The following TFF2 variants were observed in gnomAD, a reference collection of about 807,000 sequenced individuals.
TFF2 encodes the protein trefoil factor 2.
Under a neutral mutation model 16.0 loss-of-function variants are expected in TFF2, and 19 were observed. That is an observed-to-expected ratio of 1.19 (90% CI 0.83 to 1.74). The LOEUF (loss-of-function observed/expected upper bound fraction) is 1.74, where lower values mean the gene tolerates loss of function less well. TFF2 is among the 40% of genes most tolerant of loss of function. The pLI, the probability that TFF2 is intolerant of heterozygous loss-of-function variation, is 0.00. For missense variants in TFF2, 168 were observed against 166.8 expected (o/e 1.01, Z -0.04); for synonymous variants, 61 against 65.4 (o/e 0.93, Z 0.32).
intron 1 of TFF2, 30 bp from the exon 2 acceptor site, chr21:42,350,060 C>G: frequency 6.3e-7 from 1 of 1,578,506 alleles, no homozygotes; most frequent in Non-Finnish European, 8.6e-7. Flanking sequence ...CGGCCCCACC[C>G]TGGTACCCCA....
Position 42,349,940 on chromosome 21 carries a change from C to A in TFF2, c.170G>T (p.Cys57Phe). The change falls in exon 2 of 4, where the codon TGC becomes TTC. Residue 57 changes from cysteine to phenylalanine, a missense_variant. Transcript: ENST00000291526. ...CCCAGTGACACTGGAGTCGAAACAG[C>A]ATCCATTGTCAAAACACTGGTCACT... The part of the protein sequence containing the change: ...ITSDQCFDNG[C>F]CFDSSVTGVP... 1 of 1,600,012 alleles carries A rather than the reference C, an allele frequency of 6.2e-7. No homozygotes were observed. Among genetic ancestry groups the A allele is most frequent in the Non-Finnish European group, 8.5e-7 (1 of 1,173,156 alleles).
At chr21:42,346,637 C>A in intron 3 of TFF2, 91 bp from the exon 4 acceptor site, 1 of 1,386,522 alleles carries the variant, frequency 7.2e-7, no homozygotes. Context: ...CATCACTTTG[C>A]CCAGGAGCTT....
chr21:42,347,297 T>G (rs547675942), intron 3 of TFF2, among the ~76,000 whole-genome samples, 189 bp downstream of exon 3: 1 of 152,318 alleles, frequency 6.6e-6, no homozygotes, highest in African/African-American at 2.4e-5. Context: ...GGCTATAAAC[T>G]TATTGAAAAG....
intron 1 of TFF2, 170 bp from the exon 2 acceptor site, chr21:42,350,200 C>A: frequency 3.2e-6 from 4 of 1,258,426 alleles, no homozygotes; most frequent in South Asian, 3.0e-5. Context: ...GCCGATAGGG[C>A]TTTGCTGAAA....
rs1205015796 is a variant in TFF2, at chr21:42,347,648, C to A, written c.230-16G>T. 6.2e-7 allele frequency: 1 copy of A among 1,612,794 alleles called. No individual in the cohort carries two copies. The highest frequency in any genetic ancestry group is 1.7e-5 in the Admixed American group (1 of 59,984). ...TGATCCGACTCTGCCATGGGACAGGCACAGCACCGAGACCCAGTCAGGCCT... is the reference window on the plus strand; with the variant it reads ...TGATCCGACTCTGCCATGGGACAGGAACAGCACCGAGACCCAGTCAGGCCT... On this transcript the variant is annotated splice_polypyrimidine_tract_variant and intron_variant, in intron 2 of 3. Coordinates refer to ENST00000291526, the MANE Select transcript of TFF2 (RefSeq NM_005423.5).
At chr21:42,348,970 C>CCAACCTGGGCTAGCTCCAGACTAAA (rs1480148444) in intron 2 of TFF2, among the ~76,000 whole-genome samples, 3 of 151,798 alleles carry the variant, frequency 2.0e-5, no homozygotes, top group African/African-American at 7.3e-5. Flanking sequence ...CCCAGACTAA[C>CCAACCTGGGCTAGCTCCAGACTAAA]CAACCTGGGC....
At chr21:42,350,681 C>T (rs7282272) in intron 1 of TFF2, among the ~76,000 whole-genome samples, 198 bp downstream of exon 1, 3,445 of 152,300 alleles carry the variant, frequency 0.023, 84 homozygotes, top group African/African-American at 0.063. Flanking sequence ...TGACACCTGC[C>T]GTCACTCAGC....
Position 42,346,463 on chromosome 21 carries a change from T to TAAG in TFF2, c.*67_*69dup, listed in dbSNP as rs112072261. 86,828 of 1,584,998 alleles carry TAAG rather than the reference T, an allele frequency of 0.055. 5,243 individuals are homozygous for TAAG. Among genetic ancestry groups the TAAG allele is most frequent in the African/African-American group, 0.32 (23,545 of 73,826 alleles). The stretch of plus-strand genomic sequence containing the variant: ...AGGATTTCATGAAGTATGAAGCTGA[T>TAAG]AAGGCGAAGTTTCTTCTTTGGTTTC... On this transcript the variant is annotated 3_prime_UTR_variant, in exon 4 of 4. Coordinates refer to ENST00000291526, the MANE Select transcript of TFF2 (RefSeq NM_005423.5).
Position 42,347,515 on chromosome 21 carries a change from G to A in TFF2, c.347C>T (p.Pro116Leu). The change falls in exon 3 of 4, where the codon CCC (proline) becomes CTC (leucine). Residue 116 changes from proline (P) to leucine (L), a missense_variant. By Grantham distance (98) the Pro-to-Leu change is moderately conservative. Transcript: ENST00000291526. Reference sequence around the variant, plus strand: ...CACAGACTTCGGGAAGAAGCACCAGGGCACTTCAAAGATGAAGTTGGAGAA... The same window carrying A: ...CACAGACTTCGGGAAGAAGCACCAGAGCACTTCAAAGATGAAGTTGGAGAA... ...CCFSNFIFEV[P>L]WCFFPKSVED... 6.2e-7 allele frequency: 1 copy of A among 1,614,178 alleles called. No individual in the cohort carries two copies. The highest frequency in any genetic ancestry group is 8.5e-7 in the Non-Finnish European group (1 of 1,180,012).
chr21:42,349,491 C>T (rs2052097500), intron 2 of TFF2, among the ~76,000 whole-genome samples: 1 of 151,356 alleles, frequency 6.6e-6, no homozygotes, highest in Non-Finnish European at 1.5e-5. Context: ...CCAGCCTACG[C>T]TAGCCCTAGA....
chr21:42,349,751 G>A (rs1036315670), intron 2 of TFF2, 130 bp downstream of exon 2: 10 of 950,766 alleles, frequency 1.1e-5, no homozygotes, highest in African/African-American at 1.7e-5. Flanking sequence ...GGGCTAGCTC[G>A]AGACTAACCC....
chr21:42,350,817 C>CTTT (rs5844113), intron 1 of TFF2, 62 bp downstream of exon 1: 4 of 1,312,840 alleles, frequency 3.0e-6, no homozygotes, highest in South Asian at 1.4e-5. Flanking sequence ...TATGGTTGTG[C>CTTT]TTTTTTTTTT....
At chr21:42,348,205 G>A (rs1251774965) in intron 2 of TFF2, among the ~76,000 whole-genome samples, 1 of 147,882 alleles carries the variant, frequency 6.8e-6, no homozygotes, top group Non-Finnish European at 1.5e-5. Flanking sequence ...GCACACAGGT[G>A]CACGACACAC....
chr21:42,349,501 A>G (rs2052097614), intron 2 of TFF2, among the ~76,000 whole-genome samples: 1 of 151,392 alleles, frequency 6.6e-6, no homozygotes, highest in Admixed American at 6.6e-5. Flanking sequence ...CTAGCCCTAG[A>G]CTAACCAACC....
chr21:42,349,409 TGG>T, intron 2 of TFF2, among the ~76,000 whole-genome samples: 1 of 145,962 alleles, frequency 6.9e-6, no homozygotes, highest in Non-Finnish European at 1.5e-5. Flanking sequence ...CTAACCAACC[TGG>T]GCTACTAGCC....
chr21:42,350,793 C>T (rs2052110736), intron 1 of TFF2, 86 bp downstream of exon 1: 4 of 1,399,656 alleles, frequency 2.9e-6, no homozygotes, highest in South Asian at 1.3e-5. Context: ...GCCATTCCCC[C>T]TCTCAAGTTA....
Position 42,347,477 on chromosome 21 carries a change from C to A in TFF2, c.376+9G>T, listed in dbSNP as rs556785400. 6.2e-7 allele frequency: 1 copy of A among 1,614,092 alleles called. No homozygotes were observed. The highest frequency in any genetic ancestry group is 8.5e-7 in the Non-Finnish European group (1 of 1,179,960). ...GGGAACCAGACAGAGAGTCCCACAGCGACGTTACCTTCCACAGACTTCGGG... is the reference window on the plus strand; with the variant it reads ...GGGAACCAGACAGAGAGTCCCACAGAGACGTTACCTTCCACAGACTTCGGG... On this transcript the variant is annotated intron_variant, in intron 3 of 3. Transcript: ENST00000291526.
chr21:42,349,709 C>G (rs977595865), intron 2 of TFF2, among the ~76,000 whole-genome samples, 172 bp downstream of exon 2: 1 of 152,250 alleles, frequency 6.6e-6, no homozygotes, highest in Non-Finnish European at 1.5e-5. Flanking sequence ...TCTAGACTAA[C>G]CAACCTGGGC....
Position 42,350,970 on chromosome 21 carries a change from T to C in TFF2, c.-13A>G. The C allele has an allele frequency of 1.9e-6, 3 of 1,613,326 alleles. No individual in the cohort carries two copies. Among genetic ancestry groups the C allele is most frequent in the Non-Finnish European group, 1.7e-6 (2 of 1,179,672 alleles). On this transcript the variant is annotated 5_prime_UTR_variant, in exon 1 of 4. Coordinates refer to ENST00000291526, the MANE Select transcript of TFF2 (RefSeq NM_005423.5). ...CTCGCCGTCCCATGTCTAGCTCAGC[T>C]GCACCCCAGGGTGGCTTGCAGAATG...
Sources: allele counts gnomAD v4.1 joint callset (sites outside exome capture counted in the v4.1 genomes callset), GRCh38; gene constraint gnomAD v4.1.1; transcripts MANE v1.5; gene names NCBI Gene and HGNC (gene_info 2026-07-23, HGNC 2026-07-21).